The following DTL variants were observed in gnomAD, a reference collection of about 807,000 sequenced individuals.
The protein encoded by DTL is denticleless protein homolog.
DTL carries 46 observed loss-of-function variants against 87.0 expected under a neutral mutation model. That is an observed-to-expected ratio of 0.53 (90% CI 0.42 to 0.68). DTL has a LOEUF of 0.68. Ranked by LOEUF, DTL falls within the 30% of genes least tolerant of loss-of-function variation. The pLI is 0.00. For missense variants in DTL, 737 were observed against 869.4 expected (o/e 0.85, Z 1.91); for synonymous variants, 308 against 311.2 (o/e 0.99, Z 0.11).
intron 7 of DTL, among the ~76,000 whole-genome samples, chr1:212,066,412 T>G (rs1372313432): frequency 2.6e-5 from 4 of 152,188 alleles, no homozygotes; most frequent in African/African-American, 9.6e-5. Flanking sequence ...AAATAATCTT[T>G]TATTCATAAT....
intron 13 of DTL, among the ~76,000 whole-genome samples, chr1:212,093,441 A>G (rs1224175048): frequency 6.6e-6 from 1 of 152,222 alleles, no homozygotes; most frequent in East Asian, 1.9e-4. Flanking sequence ...CTCGGATCAC[A>G]TGTGGGCTTG....
intron 13 of DTL, chr1:212,099,694 A>C (rs1372231999): frequency 6.6e-6 from 1 of 152,558 alleles, no homozygotes; most frequent in East Asian, 1.9e-4. Flanking sequence ...CACTTTGGGC[A>C]CTCAATTTTT....
chr1:212,099,597 C>T (rs989118127), intron 13 of DTL: 5 of 152,422 alleles, frequency 3.3e-5, no homozygotes, highest in African/African-American at 1.2e-4. Flanking sequence ...CACATTTACT[C>T]GTATACCCTT....
Position 212,100,916 on chromosome 1 carries a change from T to G in DTL, c.1926T>G (p.Pro642=). Residue 642 remains proline (P), a synonymous_variant, in exon 14 of 15, where the codon CCT becomes CCG. Coordinates refer to ENST00000366991, the MANE Select transcript of DTL (RefSeq NM_016448.4). ...SCGTLPLPLR[P]CGEGSEMVGK... ...GAACGCTACCTCTTCCTTTGAGACC[T>G]TGTGGAGAAGGGTCTGAAATGGTAG... 1.2e-6 allele frequency: 2 copies of G among 1,614,178 alleles called. No individual in the cohort carries two copies. The highest frequency in any genetic ancestry group is 1.7e-6 in the Non-Finnish European group (2 of 1,180,016).
At chr1:212,093,812 T>C (rs1655361558) in intron 13 of DTL, among the ~76,000 whole-genome samples, 1 of 152,146 alleles carries the variant, frequency 6.6e-6, no homozygotes, top group South Asian at 2.1e-4. Context: ...TCTTGGGAAA[T>C]GCAACATTTG....
chr1:212,047,931 A>G (rs1360390577), intron 5 of DTL, among the ~76,000 whole-genome samples: 2 of 151,936 alleles, frequency 1.3e-5, no homozygotes, highest in Non-Finnish European at 2.9e-5. Context: ...TGTCCCTGAA[A>G]GTCAAGAGTC....
At chr1:212,078,823 C>A (rs1048637309) in intron 12 of DTL, among the ~76,000 whole-genome samples, 1 of 152,048 alleles carries the variant, frequency 6.6e-6, no homozygotes, top group Non-Finnish European at 1.5e-5. Flanking sequence ...AACAAAAAAA[C>A]CCTAAAATGT....
rs1235083990 is a variant in DTL, at chr1:212,100,525, C to T, written c.1535C>T (p.Ser512Leu). The T allele has an allele frequency of 1.2e-6, 2 of 1,614,034 alleles. No individual in the cohort carries two copies. Among genetic ancestry groups the T allele is most frequent in the South Asian group, 2.2e-5 (2 of 91,076 alleles). The change falls in exon 14 of 15, where the codon TCA becomes TTA. Residue 512 changes from serine (S) to leucine (L), a missense_variant. Ser to Leu is a moderately radical substitution (Grantham distance 145). Transcript: ENST00000366991. Reference protein sequence around the residue: ...RNWVTRTPSSSPPITPPASET... With the variant: ...RNWVTRTPSSLPPITPPASET... ...TGGGTGACCCGAACACCTTCCTCAT[C>T]ACCACCCATCACTCCACCTGCTTCG...
chr1:212,051,442 CTTTTTTTTTTTTTTTTTTT>C lies in DTL; in HGVS notation c.460+4051_460+4069del, dbSNP rs958429363. ...GGACATTTTTGTTGGATATGAAATT[CTTTTTTTTTTTTTTTTTTT>C]TTTTTTTTTTTTTTTTTTTTTTTTT... On this transcript the variant is annotated intron_variant, in intron 5 of 14. Transcript: ENST00000366991. 8.2e-3 allele frequency: 1,606 copies of C among 196,842 alleles called. 7 individuals are homozygous for C. Among genetic ancestry groups the C allele is most frequent in the African/African-American group, 0.011 (163 of 15,012 alleles). The allele number at this position is 196,842 out of a possible 1,614,324, so 12.2% of individuals were successfully genotyped here.
At chr1:212,065,101 T>A in intron 7 of DTL, 72 bp downstream of exon 7, 1 of 1,078,804 alleles carries the variant, frequency 9.3e-7, no homozygotes, top group Admixed American at 1.9e-5. Context: ...GGCTATTGAT[T>A]AAGTGAATGA....
At chr1:212,041,233 C>T (rs1490637464) in intron 1 of DTL, among the ~76,000 whole-genome samples, 1 of 152,014 alleles carries the variant, frequency 6.6e-6, no homozygotes, top group Non-Finnish European at 1.5e-5. Flanking sequence ...AATCACTCAC[C>T]ATTCATTGGT....
At position 212,103,485 on chromosome 1, in the gene DTL, A is replaced by C. The variant is rs1655685450; in HGVS notation, c.*545A>C. 6.6e-6 allele frequency: 1 copy of C among 152,256 alleles called. No homozygotes were observed. The highest frequency in any genetic ancestry group is 1.5e-5 in the Non-Finnish European group (1 of 68,082). 9.4% of individuals were successfully genotyped at this position (152,256 alleles called of 1,614,324 possible). On this transcript the variant is annotated 3_prime_UTR_variant, in exon 15 of 15. Coordinates refer to ENST00000366991, the MANE Select transcript of DTL (RefSeq NM_016448.4). ...GTATGTGTAAAAATGTGATGCTCAG[A>C]TAAGTACATTTATATCAGTTCAGTG...
At chr1:212,037,699 A>C (rs937775138) in intron 1 of DTL, among the ~76,000 whole-genome samples, 2 of 152,240 alleles carry the variant, frequency 1.3e-5, no homozygotes, top group Non-Finnish European at 2.9e-5. Context: ...AAAGATTAAT[A>C]AAAACAGGTG....
In DTL at chr1:212,064,488, G is replaced by GTT. The variant is rs776173069; in HGVS notation, c.527-427_527-426dup. ...CACCATTGTAGCATCATACACAATA[G>GTT]TTTCACTACTCTAGAAATCCTCTGT... On this transcript the variant is annotated intron_variant, in intron 6 of 14. Transcript: ENST00000366991. 2.2e-4 allele frequency among the ~76,000 whole-genome samples: 34 copies of GTT among 152,290 alleles called. No individual in the cohort carries two copies. The East Asian group carries it at 3.9e-3, about 17-fold the overall frequency.
At chr1:212,052,384 C>G (rs1226954360) in intron 5 of DTL, among the ~76,000 whole-genome samples, 2 of 152,050 alleles carry the variant, frequency 1.3e-5, no homozygotes, top group Non-Finnish European at 2.9e-5. Context: ...GGCCTGTAAT[C>G]CAAGCACTTT....
Position 212,043,785 on chromosome 1 carries a change from G to A in DTL, c.178+667G>A, listed in dbSNP as rs148513894. ...GCAGAGGTTGCAGTGAGCCAAGATCGTGCCATTGCATTCTAGCCTGGGTGA... is the reference window on the plus strand; with the variant it reads ...GCAGAGGTTGCAGTGAGCCAAGATCATGCCATTGCATTCTAGCCTGGGTGA... On this transcript the variant is annotated intron_variant, in intron 2 of 14. Coordinates refer to ENST00000366991, the MANE Select transcript of DTL (RefSeq NM_016448.4). 9.4e-5 allele frequency among the ~76,000 whole-genome samples: 14 copies of A among 148,242 alleles called. No individual in the cohort carries two copies. The East Asian group carries it at 2.4e-3, about 25-fold the overall frequency.
rs372754690 is a variant in DTL, at chr1:212,088,871, G to A, written c.1261+8121G>A. Among the ~76,000 whole-genome samples, 26 of 152,338 alleles carry A rather than the reference G, an allele frequency of 1.7e-4. No homozygotes were observed. In the South Asian group the frequency reaches 5.2e-3, roughly 30 times the overall value. ...GGAGGCCGAGGCAGGCGCATCACCT[G>A]AGGTCAGGAGTTCGGGACTAGTCTT... On this transcript the variant is annotated intron_variant, in intron 13 of 14. Transcript: ENST00000366991.
chr1:212,048,902 TTTTGTTTGTTTG>T (rs142929243), intron 5 of DTL, among the ~76,000 whole-genome samples: 196 of 150,534 alleles, frequency 1.3e-3, no homozygotes, highest in African/African-American at 3.9e-3. Context: ...TGGACTGGTT[TTTTGTTTGTTTG>T]TTTGTTTGTT....
intron 5 of DTL, among the ~76,000 whole-genome samples, chr1:212,053,342 C>T (rs1668056618): frequency 3.9e-5 from 6 of 152,016 alleles, no homozygotes; most frequent in Admixed American, 3.9e-4. Flanking sequence ...ATCATAGGCA[C>T]ATGCCACCAT....
Sources: allele counts gnomAD v4.1 joint callset (sites outside exome capture counted in the v4.1 genomes callset), GRCh38; gene constraint gnomAD v4.1.1; transcripts MANE v1.5; gene names NCBI Gene and HGNC (gene_info 2026-07-23, HGNC 2026-07-21).